The following MRTFB variants were observed in gnomAD, a reference collection of about 807,000 sequenced individuals.
MRTFB encodes myocardin related transcription factor B.
In MRTFB, 29 loss-of-function variants were observed where a neutral mutation model predicts 104.2. The observed-to-expected ratio is 0.28, with a 90% CI of 0.21 to 0.38. The LOEUF is 0.38. Among genes scored for constraint, MRTFB ranks in the 10% least tolerant of loss-of-function variants. The probability of loss-of-function intolerance (pLI) is 1.00; values close to 1 mark genes in which losing one functional copy is unlikely to be tolerated. For missense variants in MRTFB, 1,270 were observed against 1,341.6 expected (o/e 0.95, Z 0.83); for synonymous variants, 535 against 519.5 (o/e 1.03, Z -0.41).
chr16:14,211,422 T>C (rs1213575980), intron 4 of MRTFB, among the ~76,000 whole-genome samples: 1 of 152,170 alleles, frequency 6.6e-6, no homozygotes, highest in Non-Finnish European at 1.5e-5. Flanking sequence ...GTCTTTGTGG[T>C]GCTTCATGTG....
intron 3 of MRTFB, among the ~76,000 whole-genome samples, chr16:14,145,060 A>G (rs1423358291): frequency 6.7e-6 from 1 of 150,276 alleles, no homozygotes; most frequent in Non-Finnish European, 1.5e-5. Flanking sequence ...TTTTTTTTAA[A>G]TCTAAGTTTT....
chr16:14,130,120 C>T (rs1470074283), intron 2 of MRTFB, among the ~76,000 whole-genome samples: 3 of 152,262 alleles, frequency 2.0e-5, no homozygotes, highest in Admixed American at 6.5e-5. Flanking sequence ...TGTGAGCCAT[C>T]GCATCCAGCC....
At chr16:14,228,594 A>T (rs1232449153) in intron 8 of MRTFB, among the ~76,000 whole-genome samples, 2 of 152,148 alleles carry the variant, frequency 1.3e-5, no homozygotes, top group Non-Finnish European at 2.9e-5. Flanking sequence ...AAAAATAGAA[A>T]ACAGAAGTTA....
chr16:14,171,235 G>A (rs1324741716), intron 3 of MRTFB, among the ~76,000 whole-genome samples: 1 of 152,148 alleles, frequency 6.6e-6, no homozygotes, highest in African/African-American at 2.4e-5. Context: ...TAAGACCTGG[G>A]AACTACATGT....
rs1308866191 is a variant in MRTFB, at chr16:14,265,039, G to C, written c.*3595G>C. ...GAGACGTGGTAAAGCACTTTGGCAG[G>C]GTTTAAAATATTTGTGAGAAGCCCA... On this transcript the variant is annotated 3_prime_UTR_variant, in exon 17 of 17. Coordinates refer to ENST00000571589, the MANE Select transcript of MRTFB (RefSeq NM_001308142.2). 2 of 152,160 alleles carry C rather than the reference G, an allele frequency of 1.3e-5. No homozygotes were observed. The highest frequency in any genetic ancestry group is 2.4e-5 in the African/African-American group (1 of 41,422). The allele number at this position is 152,160 out of a possible 1,614,324, so 9.4% of individuals were successfully genotyped here. A position where few individuals can be genotyped will look rare whatever the true frequency, so the allele number is the denominator to read the frequency against.
intron 1 of MRTFB, among the ~76,000 whole-genome samples, chr16:14,072,114 T>A (rs940377083): frequency 1.3e-5 from 2 of 152,154 alleles, no homozygotes; most frequent in Non-Finnish European, 2.9e-5. Flanking sequence ...CAAAGGAAAC[T>A]CTTCTCTAAA....
intron 3 of MRTFB, among the ~76,000 whole-genome samples, chr16:14,159,928 T>TGA (rs2038968509): frequency 2.1e-5 from 1 of 47,974 alleles, no homozygotes; most frequent in African/African-American, 1.5e-4. Context: ...AGACTCCGTC[T>TGA]CAAAAAAAAA....
chr16:14,249,709 G>A (rs1425140837), intron 13 of MRTFB, among the ~76,000 whole-genome samples: 4 of 152,136 alleles, frequency 2.6e-5, no homozygotes, highest in Non-Finnish European at 4.4e-5. Flanking sequence ...CGCATTCCCC[G>A]GTAGCCAGTA....
At chr16:14,251,335 C>T (rs1349243453) in intron 13 of MRTFB, among the ~76,000 whole-genome samples, 3 of 144,988 alleles carry the variant, frequency 2.1e-5, no homozygotes, top group Non-Finnish European at 4.5e-5. Flanking sequence ...CGAGATCGCA[C>T]CACTGCACTC....
chr16:14,145,014 CTT>C (rs1467312435), intron 3 of MRTFB, among the ~76,000 whole-genome samples: 4 of 144,214 alleles, frequency 2.8e-5, no homozygotes, highest in African/African-American at 7.6e-5. Context: ...ATATATATAA[CTT>C]TTGTCAGTTT....
chr16:14,114,314 T>C (rs1453572472), intron 2 of MRTFB, among the ~76,000 whole-genome samples: 1 of 152,234 alleles, frequency 6.6e-6, no homozygotes, highest in South Asian at 2.1e-4. Flanking sequence ...AATGTTTCAG[T>C]ATAGAACTAT....
At chr16:14,099,382 GTTTT>G (rs151000122) in intron 2 of MRTFB, among the ~76,000 whole-genome samples, 1 of 137,150 alleles carries the variant, frequency 7.3e-6, no homozygotes. Context: ...TTTTTGGTGG[GTTTT>G]TTTTTTTTTT....
intron 3 of MRTFB, among the ~76,000 whole-genome samples, chr16:14,207,228 G>A (rs144792135): frequency 1.3e-5 from 2 of 152,138 alleles, no homozygotes; most frequent in African/African-American, 2.4e-5. Context: ...TGATGAGAGC[G>A]TTAATTGGGG....
rs569359812 is a variant in MRTFB at position 14,236,399 on chromosome 16, C to T, written c.831+2116C>T. 6.8e-4 allele frequency among the ~76,000 whole-genome samples: 104 copies of T among 152,324 alleles called. 1 individual carries two copies. The highest frequency in any genetic ancestry group is 1.2e-3 in the Non-Finnish European group (80 of 68,034). On this transcript the variant is annotated intron_variant, in intron 9 of 16. Transcript: ENST00000571589. ...GAACGGATACTTATTCAAGCACCTTCTATGTGCCAGGCACTGTTCTGGGTA... is the reference window on the plus strand; with the variant it reads ...GAACGGATACTTATTCAAGCACCTTTTATGTGCCAGGCACTGTTCTGGGTA...
At chr16:14,042,616 T>A in the MRTFB span, among the ~76,000 whole-genome samples, 1 of 152,122 alleles carries the variant, frequency 6.6e-6, no homozygotes, top group Non-Finnish European at 1.5e-5. Flanking sequence ...GAGACTTGTG[T>A]GGTTGTGTGG....
chr16:14,048,741 G>T, the MRTFB span, among the ~76,000 whole-genome samples: 1 of 152,186 alleles, frequency 6.6e-6, no homozygotes, highest in Non-Finnish European at 1.5e-5. Context: ...ACTTAATTCT[G>T]GGTAATGATA....
chr16:13,999,875 A>G, the MRTFB span, among the ~76,000 whole-genome samples: 3 of 152,182 alleles, frequency 2.0e-5, no homozygotes, highest in Non-Finnish European at 4.4e-5. Context: ...AAACATTGCA[A>G]TAGGCACCCA....
chr16:14,165,723 T>C (rs2039211262), intron 3 of MRTFB, among the ~76,000 whole-genome samples: 1 of 152,230 alleles, frequency 6.6e-6, no homozygotes, highest in Admixed American at 6.5e-5. Flanking sequence ...TCCCTGTTCA[T>C]CCAACTAGAT....
chr16:14,209,729 T>C (rs1342585176), intron 3 of MRTFB, among the ~76,000 whole-genome samples: 1 of 152,196 alleles, frequency 6.6e-6, no homozygotes, highest in Non-Finnish European at 1.5e-5. Flanking sequence ...TTACTAAACT[T>C]TAAATTCCTA....
Sources: allele counts gnomAD v4.1 joint callset (sites outside exome capture counted in the v4.1 genomes callset), GRCh38; gene constraint gnomAD v4.1.1; transcripts MANE v1.5; gene names NCBI Gene and HGNC (gene_info 2026-07-23, HGNC 2026-07-21).